FREM2: variants seen among roughly 807,000 people sequenced by gnomAD.
FREM2 encodes the protein FRAS1-related extracellular matrix protein 2.
FREM2 carries 119 observed loss-of-function variants against 219.9 expected under a neutral mutation model. That is an observed-to-expected ratio of 0.54 (90% CI 0.47 to 0.63). FREM2 has a LOEUF of 0.63. Ranked by LOEUF, FREM2 falls within the 30% of genes least tolerant of loss-of-function variation. The pLI, the probability that FREM2 is intolerant of heterozygous loss-of-function variation, is 0.00. For missense variants in FREM2, 4,030 were observed against 3,993.6 expected (o/e 1.01, Z -0.25); for synonymous variants, 1,562 against 1,522.8 (o/e 1.03, Z -0.60).
intron 6 of FREM2, among the ~76,000 whole-genome samples, chr13:38,813,518 C>CTCTT (rs1290487493): frequency 2.6e-4 from 2 of 7,794 alleles, no homozygotes; most frequent in Non-Finnish European, 3.0e-4. Flanking sequence ...CTCTCTCTCT[C>CTCTT]CTCTCTCTCT....
chr13:38,830,843 C>CT lies in FREM2; in HGVS notation c.6020-15730_6020-15729insT, dbSNP rs1200725465. Among the ~76,000 whole-genome samples, 12 of 152,316 alleles carry CT rather than the reference C, an allele frequency of 7.9e-5. No homozygotes were observed. The East Asian group carries it at 2.1e-3, about 27-fold the overall frequency. On this transcript the variant is annotated intron_variant, in intron 6 of 23. Transcript: ENST00000280481. ...GGAACCTCTGCACTACAGCAGCTGT[C>CT]ACCTGTTACAATCACTCTGCCCTCC... is the stretch of plus-strand genomic sequence containing the variant.
At chr13:38,760,065 A>G (rs1190724521) in intron 2 of FREM2, among the ~76,000 whole-genome samples, 2 of 152,226 alleles carry the variant, frequency 1.3e-5, no homozygotes, top group Non-Finnish European at 2.9e-5. Flanking sequence ...CACATGTGTA[A>G]TGTACAGAAG....
intron 6 of FREM2, among the ~76,000 whole-genome samples, chr13:38,807,638 T>A (rs1396820970): frequency 6.6e-6 from 1 of 151,922 alleles, no homozygotes; most frequent in Non-Finnish European, 1.5e-5. Context: ...ATTGGGTAAC[T>A]AAGTGCATTG....
chr13:38,802,264 G>A (rs1165647885), intron 6 of FREM2, among the ~76,000 whole-genome samples: 1 of 151,856 alleles, frequency 6.6e-6, no homozygotes, highest in Non-Finnish European at 1.5e-5. Context: ...CTCTCAATGG[G>A]AACAGAGTAA....
intron 6 of FREM2, among the ~76,000 whole-genome samples, chr13:38,813,018 C>T (rs1372037362): frequency 6.6e-6 from 1 of 150,552 alleles, no homozygotes; most frequent in Non-Finnish European, 1.5e-5. Flanking sequence ...ACTGTAGTGT[C>T]TATGTTTTTA....
chr13:38,795,463 A>G (rs1262103603), intron 6 of FREM2, among the ~76,000 whole-genome samples: 1 of 151,920 alleles, frequency 6.6e-6, no homozygotes, highest in Non-Finnish European at 1.5e-5. Context: ...TTTTACTAAT[A>G]CAAAAATGTA....
chr13:38,819,776 C>T (rs1353075266), intron 6 of FREM2, among the ~76,000 whole-genome samples: 1 of 152,066 alleles, frequency 6.6e-6, no homozygotes, highest in Non-Finnish European at 1.5e-5. Context: ...TGGGTTTTAT[C>T]ATCTGTGAGT....
intron 2 of FREM2, among the ~76,000 whole-genome samples, chr13:38,750,014 AAGAG>A (rs1872672348): frequency 6.6e-6 from 1 of 152,166 alleles, no homozygotes; most frequent in Non-Finnish European, 1.5e-5. Context: ...CCTAAGTTGA[AAGAG>A]AGAGAAGGAA....
intron 2 of FREM2, among the ~76,000 whole-genome samples, chr13:38,743,841 T>A (rs1294203956): frequency 6.6e-6 from 1 of 152,200 alleles, no homozygotes; most frequent in Non-Finnish European, 1.5e-5. Context: ...GTCAGCATAG[T>A]GCCAAGCCTA....
rs1207862885 is a variant in FREM2, at chr13:38,688,650, A to T, written c.1306A>T (p.Thr436Ser). Reference protein sequence around the residue: ...AFMVVVKPMNTMAPVVTRNTG... With the variant: ...AFMVVVKPMNSMAPVVTRNTG... ...CATGGTAGTGGTGAAGCCCATGAAC[A>T]CAATGGCTCCGGTGGTCACCCGGAA... The change falls in exon 1 of 24, where the codon ACA becomes TCA. Residue 436 changes from threonine (T) to serine (S), a missense_variant. By Grantham distance (58) the Thr-to-Ser change is moderately conservative. This residue lies in a region of FREM2 where 3,102 missense variants were observed against 2,950.7 expected (regional missense o/e 1.05). Transcript: ENST00000280481. 1 of 1,614,078 alleles carries T rather than the reference A, an allele frequency of 6.2e-7. No individual in the cohort carries two copies. The highest frequency in any genetic ancestry group is 2.2e-5 in the East Asian group (1 of 44,866).
intron 6 of FREM2, among the ~76,000 whole-genome samples, chr13:38,837,617 G>C (rs986613190): frequency 6.6e-6 from 1 of 152,118 alleles, no homozygotes; most frequent in Non-Finnish European, 1.5e-5. Flanking sequence ...ATGAATCTGA[G>C]TGCTCCTGTA....
intron 6 of FREM2, among the ~76,000 whole-genome samples, chr13:38,793,708 G>T (rs906360063): frequency 2.6e-5 from 4 of 152,194 alleles, no homozygotes; most frequent in African/African-American, 7.2e-5. Context: ...AAGAGCTCAG[G>T]TGGCTGTTGG....
In FREM2 at chr13:38,689,649, G is replaced by T; in HGVS notation, c.2305G>T (p.Val769Phe). ...GTLVLTDNPS[V>F]VVTHFTQAQI... The stretch of plus-strand genomic sequence containing the variant: ...CTTGGTCTTGACTGACAACCCCTCA[G>T]TCGTGGTGACCCATTTTACCCAAGC... Residue 769 changes from valine (V) to phenylalanine (F), a missense_variant, in exon 1 of 24, where the codon GTC becomes TTC. Around this residue, in one of 2 missense-constraint regions of FREM2, gnomAD observed 3,102 missense variants for 2,950.7 expected, o/e 1.05. Transcript: ENST00000280481. The T allele has an allele frequency of 6.2e-7, 1 of 1,614,070 alleles. No individual in the cohort carries two copies. The highest frequency in any genetic ancestry group is 8.5e-7 in the Non-Finnish European group (1 of 1,180,022).
At chr13:38,801,750 A>T (rs561017585) in intron 6 of FREM2, among the ~76,000 whole-genome samples, 1 of 152,104 alleles carries the variant, frequency 6.6e-6, no homozygotes, top group Non-Finnish European at 1.5e-5. Context: ...GCCTGTCTGT[A>T]GGCCCCAAGG....
rs56270131 is a variant in FREM2, at chr13:38,754,901, G to GATGATGATGATTATTATTATTATT, written c.5264-9401_5264-9400insGATGATGATTATTATTATTATTAT. On this transcript the variant is annotated intron_variant, in intron 2 of 23. Transcript: ENST00000280481. ...TGATGATGATGATGATGATGATGAT[G>GATGATGATGATTATTATTATTATT]ATTATTATTATTATTATTAGAGATG... Among the ~76,000 whole-genome samples, 103 of 128,660 alleles carry GATGATGATGATTATTATTATTATT rather than the reference G, an allele frequency of 8.0e-4. 1 individual carries two copies. Among genetic ancestry groups the GATGATGATGATTATTATTATTATT allele is most frequent in the South Asian group, 1.4e-3 (5 of 3,486 alleles). 84.4% of individuals were successfully genotyped at this position (128,660 alleles called of 152,430 possible). A position where few individuals can be genotyped will look rare whatever the true frequency, so the allele number is the denominator to read the frequency against.
At chr13:38,707,790 G>T (rs1446316143) in intron 2 of FREM2, among the ~76,000 whole-genome samples, 1 of 152,154 alleles carries the variant, frequency 6.6e-6, no homozygotes, top group African/African-American at 2.4e-5. Flanking sequence ...TACTTCTCTT[G>T]CTTTACTTGA....
intron 6 of FREM2, among the ~76,000 whole-genome samples, chr13:38,798,394 T>A (rs1232543264): frequency 6.6e-6 from 1 of 152,188 alleles, no homozygotes; most frequent in African/African-American, 2.4e-5. Flanking sequence ...TTTGCATCTA[T>A]GTTTATCAGG....
At chr13:38,729,942 CAG>C (rs1217591074) in intron 2 of FREM2, among the ~76,000 whole-genome samples, 6 of 152,274 alleles carry the variant, frequency 3.9e-5, no homozygotes, top group African/African-American at 1.4e-4. Flanking sequence ...AAACAATAGT[CAG>C]AATAAAGCTA....
At chr13:38,719,421 A>G (rs2138105465) in intron 2 of FREM2, among the ~76,000 whole-genome samples, 1 of 152,234 alleles carries the variant, frequency 6.6e-6, no homozygotes, top group East Asian at 1.9e-4. Flanking sequence ...GGGTTTCGCC[A>G]TGTTGGCCAG....
Sources: allele counts gnomAD v4.1 joint callset (sites outside exome capture counted in the v4.1 genomes callset), GRCh38; gene constraint gnomAD v4.1.1; regional missense constraint gnomAD v4.1.1; transcripts MANE v1.5; gene names NCBI Gene and HGNC (gene_info 2026-07-23, HGNC 2026-07-21).